The following LINGO2 variants were observed in gnomAD, a reference collection of about 807,000 sequenced individuals.
LINGO2 encodes the protein leucine-rich repeat and immunoglobulin-like domain-containing nogo receptor-interacting protein 2.
Under a neutral mutation model 30.6 loss-of-function variants are expected in LINGO2, and 14 were observed. The ratio of observed to expected loss-of-function variants is 0.46; its 90% confidence interval spans 0.30 to 0.72. The LOEUF (loss-of-function observed/expected upper bound fraction) is 0.72. Among genes scored for constraint, LINGO2 ranks in the 30% least tolerant of loss-of-function variants. The pLI, the probability that LINGO2 is intolerant of heterozygous loss-of-function variation, is 0.07. For synonymous variants in LINGO2, 317 were observed against 288.5 expected, an observed-to-expected ratio of 1.10 and a Z score of -1.00; for missense variants, 729 against 751.7, an observed-to-expected ratio of 0.97 and a Z score of 0.35.
Position 28,479,845 on chromosome 9 carries a change from CTGTGTGTGTGTG to C in LINGO2, c.-364-3832_-364-3821del, listed in dbSNP as rs528584169. Among the ~76,000 whole-genome samples, 270 of 60,166 alleles carry C rather than the reference CTGTGTGTGTGTG, an allele frequency of 4.5e-3. 2 individuals carry two copies. The highest frequency in any genetic ancestry group is 0.013 in the African/African-American group (239 of 18,896). 39.5% of individuals were successfully genotyped at this position (60,166 alleles called of 152,430 possible). A position where few individuals can be genotyped will look rare whatever the true frequency, so the allele number is the denominator to read the frequency against. On this transcript the variant is annotated intron_variant, in intron 1 of 5. Coordinates refer to ENST00000379992, the Ensembl canonical transcript of LINGO2. The stretch of plus-strand genomic sequence containing the variant: ...GTCTTAACTACTGGAACCATGTCAT[CTGTGTGTGTGTG>C]TGTGTGTGTGTGTGTGTGTGTGTGT...
rs117522507 is a variant in LINGO2, at chr9:28,656,080, G to A, written c.-365+14120C>T. On this transcript the variant is annotated intron_variant, in intron 1 of 5. Transcript: ENST00000379992. Reference sequence around the variant, plus strand: ...TATAGGTGTCAAATTAGGCAACACTGCATTGGTTTCTAACAGTTGGTGGAT... The same window carrying A: ...TATAGGTGTCAAATTAGGCAACACTACATTGGTTTCTAACAGTTGGTGGAT... 8.2e-3 allele frequency among the ~76,000 whole-genome samples: 1,251 copies of A among 152,188 alleles called. 29 individuals are homozygous for A. Among genetic ancestry groups the A allele is most frequent in the Admixed American group, 0.035 (539 of 15,258 alleles).
At chr9:28,696,944 C>A in the LINGO2 span, among the ~76,000 whole-genome samples, 9 of 151,620 alleles carry the variant, frequency 5.9e-5, no homozygotes, top group Non-Finnish European at 1.2e-4. Flanking sequence ...ACTTACTTTG[C>A]TTCTATAATT....
chr9:28,581,546 A>G (rs776335355), intron 1 of LINGO2, among the ~76,000 whole-genome samples: 1 of 151,516 alleles, frequency 6.6e-6, no homozygotes, highest in Non-Finnish European at 1.5e-5. Context: ...ATAGAAAGCA[A>G]CATACAGATA....
the LINGO2 span, among the ~76,000 whole-genome samples, chr9:29,142,222 A>G: frequency 8.6e-5 from 13 of 151,948 alleles, no homozygotes; most frequent in Non-Finnish European, 1.3e-4. Flanking sequence ...CAAATACAGT[A>G]GAATAAAACT....
chr9:29,123,255 C>A, the LINGO2 span, among the ~76,000 whole-genome samples: 1 of 151,894 alleles, frequency 6.6e-6, no homozygotes, highest in Admixed American at 6.6e-5. Flanking sequence ...ATATATTCCC[C>A]GAGACATCCC....
At chr9:28,014,685 C>T (rs1242110331) in intron 4 of LINGO2, among the ~76,000 whole-genome samples, 1 of 152,068 alleles carries the variant, frequency 6.6e-6, no homozygotes, top group Non-Finnish European at 1.5e-5. Flanking sequence ...TTTTATTTCC[C>T]TTGGACATAT....
chr9:28,905,520 A>T, the LINGO2 span, among the ~76,000 whole-genome samples: 1 of 152,090 alleles, frequency 6.6e-6, no homozygotes, highest in African/African-American at 2.4e-5. Flanking sequence ...AGATATAGAA[A>T]TGGACAAATT....
exon 6 of LINGO2, chr9:27,949,271 G>A (rs1823503966): frequency 1.2e-6 from 2 of 1,613,924 alleles, no homozygotes; most frequent in Admixed American, 1.7e-5. Flanking sequence ...GGATTTCCAA[G>A]GTGCCATCAC....
the LINGO2 span, among the ~76,000 whole-genome samples, chr9:29,113,987 G>C: frequency 6.6e-6 from 1 of 151,638 alleles, no homozygotes; most frequent in African/African-American, 2.4e-5. Context: ...TGCCAGAAAG[G>C]AATTCTTTTC....
the LINGO2 span, among the ~76,000 whole-genome samples, chr9:28,831,483 G>A: frequency 2.0e-5 from 3 of 152,204 alleles, no homozygotes; most frequent in Middle Eastern, 3.4e-3. Context: ...TGAGGAGTGA[G>A]TGAGTCATGT....
chr9:28,770,298 T>C, the LINGO2 span, among the ~76,000 whole-genome samples: 1 of 152,192 alleles, frequency 6.6e-6, no homozygotes, highest in Non-Finnish European at 1.5e-5. Flanking sequence ...GTTAGCCAAC[T>C]GTGTCTTCCA....
intron 2 of LINGO2, among the ~76,000 whole-genome samples, chr9:28,449,929 C>A (rs535824754): frequency 7.9e-5 from 12 of 152,068 alleles, no homozygotes; most frequent in Non-Finnish European, 1.5e-4. Flanking sequence ...ATCTCATTTC[C>A]TTATCCCCTG....
intron 4 of LINGO2, among the ~76,000 whole-genome samples, chr9:28,131,917 G>T (rs1027883317): frequency 2.6e-5 from 4 of 152,094 alleles, no homozygotes; most frequent in African/African-American, 9.7e-5. Flanking sequence ...AATGAAAACT[G>T]CTCAGCACAT....
chr9:28,525,864 G>T (rs574608068), intron 1 of LINGO2, among the ~76,000 whole-genome samples: 4 of 151,960 alleles, frequency 2.6e-5, no homozygotes, highest in African/African-American at 7.3e-5. Context: ...GACCATCCTG[G>T]CTAACGCGGT....
At chr9:28,421,419 GAA>G (rs56015030) in intron 2 of LINGO2, among the ~76,000 whole-genome samples, 5 of 128,134 alleles carry the variant, frequency 3.9e-5, no homozygotes, top group South Asian at 2.5e-4. Flanking sequence ...TTTTTTTGCA[GAA>G]AAAAAAAAAG....
At chr9:28,619,260 T>C (rs1318967838) in intron 1 of LINGO2, among the ~76,000 whole-genome samples, 1 of 152,172 alleles carries the variant, frequency 6.6e-6, no homozygotes, top group Non-Finnish European at 1.5e-5. Flanking sequence ...TTCTTTACCA[T>C]CCTGAGATTC....
chr9:29,107,011 T>C, the LINGO2 span, among the ~76,000 whole-genome samples: 1 of 152,320 alleles, frequency 6.6e-6, no homozygotes, highest in South Asian at 2.1e-4. Flanking sequence ...TTTGTACTTA[T>C]GGGCAAAACC....
chr9:28,679,311 C>T, the LINGO2 span, among the ~76,000 whole-genome samples: 1 of 152,048 alleles, frequency 6.6e-6, no homozygotes, highest in Non-Finnish European at 1.5e-5. Flanking sequence ...CCAAGAAAAT[C>T]TCAAAACTCA....
the LINGO2 span, among the ~76,000 whole-genome samples, chr9:28,757,976 G>A: frequency 6.6e-6 from 1 of 152,140 alleles, no homozygotes; most frequent in East Asian, 1.9e-4. Flanking sequence ...CACAACAGGT[G>A]GGGTGCTTCC....
Sources: gnomAD v4.1 joint callset for allele counts (sites outside exome capture counted in the v4.1 genomes callset) on GRCh38, gnomAD v4.1.1 for gene constraint, MANE v1.5 for transcripts, NCBI Gene and HGNC (gene_info 2026-07-23, HGNC 2026-07-21) for gene names.